The following VRK3 variants were observed in gnomAD, a reference collection of about 807,000 sequenced individuals.
The protein encoded by VRK3 is VRK serine/threonine kinase 3.
A neutral mutation model predicts 60.4 loss-of-function variants in VRK3; 50 were observed. The observed-to-expected ratio is 0.83, with a 90% CI of 0.66 to 1.05. VRK3 has a LOEUF of 1.05. Among genes scored for constraint, VRK3 ranks in the 50% least tolerant of loss-of-function variants. The pLI, the probability that VRK3 is intolerant of heterozygous loss-of-function variation, is 0.00. For synonymous variants in VRK3, 246 were observed against 227.8 expected (o/e 1.08, Z -0.72); for missense variants, 549 against 585.3 (o/e 0.94, Z 0.64).
chr19:50,002,169 C>CTCATCGTTCCCACTCTCCCT (rs1200906920), intron 5 of VRK3, among the ~76,000 whole-genome samples: 1 of 152,164 alleles, frequency 6.6e-6, no homozygotes, highest in Non-Finnish European at 1.5e-5. Flanking sequence ...TTCCTCTGTT[C>CTCATCGTTCCCACTCTCCCT]TCATCGTTCC....
intron 12 of VRK3, among the ~76,000 whole-genome samples, chr19:49,985,787 G>T (rs11083994): frequency 0.052 from 7,967 of 152,218 alleles, 685 homozygotes; most frequent in African/African-American, 0.18. Flanking sequence ...GTTGAGTGAA[G>T]GTAGGCTGGG....
chr19:49,988,332 G>C, intron 12 of VRK3, 40 bp downstream of exon 12: 1 of 1,567,306 alleles, frequency 6.4e-7, no homozygotes. Context: ...CAGGGGTTCT[G>C]CTGACCACCT....
chr19:50,002,698 G>A (rs929054673), intron 5 of VRK3, among the ~76,000 whole-genome samples: 5 of 152,206 alleles, frequency 3.3e-5, no homozygotes, highest in Admixed American at 2.0e-4. Flanking sequence ...TGTAGAGGGA[G>A]CCAAGGGAGG....
At chr19:49,988,593 ACACT>A in intron 11 of VRK3, 101 bp from the exon 12 acceptor site, 1 of 1,443,618 alleles carries the variant, frequency 6.9e-7, no homozygotes, top group Admixed American at 2.3e-5. Context: ...ACTCAACCAC[ACACT>A]CATACACCCA....
At position 49,987,510 on chromosome 19, in the gene VRK3, G is replaced by A. The variant is rs931827067; in HGVS notation, c.1217+862C>T. Among the ~76,000 whole-genome samples, 3 of 152,162 alleles carry A rather than the reference G, an allele frequency of 2.0e-5. No individual in the cohort carries two copies. In the East Asian group the frequency reaches 5.8e-4, roughly 29 times the overall value. On this transcript the variant is annotated intron_variant, in intron 12 of 14. Transcript: ENST00000316763. ...TCCTCATATGTTCCGCTGTCCACCG[G>A]CTTTGGTGCTGAATGTTTAAACCAG...
intron 12 of VRK3, among the ~76,000 whole-genome samples, chr19:49,983,207 G>A (rs1568772611): frequency 7.1e-6 from 1 of 140,278 alleles, no homozygotes; most frequent in Non-Finnish European, 1.5e-5. Flanking sequence ...TCCTCCCATT[G>A]CATGTCCCAG....
intron 3 of VRK3, 124 bp downstream of exon 3, chr19:50,015,900 G>T: frequency 1.5e-6 from 2 of 1,352,430 alleles, no homozygotes; most frequent in Non-Finnish European, 2.1e-6. Context: ...CAGTCCTGAG[G>T]CCTGGGCTTC....
chr19:49,981,558 A>C, intron 12 of VRK3: 1 of 516,254 alleles, frequency 1.9e-6, no homozygotes, highest in Non-Finnish European at 2.5e-6. Context: ...AACAAAACAA[A>C]ACAAAACAAT....
chr19:50,010,917 CA>C (rs1568808864), intron 3 of VRK3, among the ~76,000 whole-genome samples: 1 of 151,400 alleles, frequency 6.6e-6, no homozygotes, highest in East Asian at 1.9e-4. Context: ...TGTCTCAAAA[CA>C]AAAACAAAAA....
At chr19:50,014,839 A>G (rs1205516319) in intron 3 of VRK3, among the ~76,000 whole-genome samples, 1 of 152,148 alleles carries the variant, frequency 6.6e-6, no homozygotes, top group Non-Finnish European at 1.5e-5. Context: ...CTCTGACTGT[A>G]TTCACAGGAT....
chr19:49,994,688 G>A, intron 9 of VRK3, 126 bp downstream of exon 9: 2 of 849,204 alleles, frequency 2.4e-6, no homozygotes, highest in South Asian at 3.4e-5. Flanking sequence ...GGCAGTCAGT[G>A]AGCCAGCCCC....
At chr19:49,988,599 A>C in intron 11 of VRK3, 107 bp from the exon 12 acceptor site, 3 of 1,427,398 alleles carry the variant, frequency 2.1e-6, no homozygotes, top group Non-Finnish European at 2.8e-6. Context: ...CCACACACTC[A>C]TACACCCAGC....
rs61745859 is a variant in VRK3, at chr19:49,989,762, C to A, written c.973G>T (p.Ala325Ser). 1.6e-4 allele frequency: 258 copies of A among 1,611,596 alleles called. No homozygotes were observed. The African/African-American group carries it at 2.6e-3, about 16-fold the overall frequency. The stretch of plus-strand genomic sequence containing the variant: ...TAGCGGAAGGCGAAGCCATAGCCTG[C>A]CAAAGTCACCTGTGGACACAGGGAA... ...DPEDQSQVTL[A>S]GYGFAFRYCP... Residue 325 changes from alanine to serine, a missense_variant, in exon 11 of 15, where the codon GCA (alanine) becomes TCA (serine). By Grantham distance (99) the Ala-to-Ser change is moderately conservative. Transcript: ENST00000316763.
intron 7 of VRK3, 40 bp from the exon 8 acceptor site, chr19:49,995,315 C>T: frequency 1.9e-6 from 3 of 1,589,512 alleles, no homozygotes; most frequent in South Asian, 1.1e-5. Flanking sequence ...CCCACCCAGT[C>T]CCAAGCCCAT....
At chr19:50,021,381 C>G (rs1600730867) in intron 1 of VRK3, among the ~76,000 whole-genome samples, 1 of 152,190 alleles carries the variant, frequency 6.6e-6, no homozygotes, top group East Asian at 1.9e-4. Context: ...ACTTCCCAGG[C>G]TGGGTCATAA....
At chr19:50,019,887 T>C (rs974543240) in intron 2 of VRK3, among the ~76,000 whole-genome samples, 3 of 151,222 alleles carry the variant, frequency 2.0e-5, no homozygotes, top group African/African-American at 7.3e-5. Context: ...GTGATGGTTT[T>C]ATTTATTTTG....
intron 12 of VRK3, among the ~76,000 whole-genome samples, chr19:49,984,005 A>T (rs2076470126): frequency 6.6e-6 from 1 of 152,168 alleles, no homozygotes; most frequent in African/African-American, 2.4e-5. Context: ...TATCATTGAT[A>T]TGAGATGATT....
intron 5 of VRK3, 105 bp from the exon 6 acceptor site, chr19:50,000,959 C>G (rs2076794852): frequency 9.3e-7 from 1 of 1,079,636 alleles, no homozygotes; most frequent in African/African-American, 1.6e-5. Context: ...GCCCTGGTTC[C>G]AACAAGGTCA....
At chr19:50,021,071 A>G (rs2077163481) in intron 1 of VRK3, among the ~76,000 whole-genome samples, 1 of 152,254 alleles carries the variant, frequency 6.6e-6, no homozygotes, top group African/African-American at 2.4e-5. Context: ...AAAGGAAACC[A>G]GGGAGCGAGC....
Sources: gnomAD v4.1 joint callset for allele counts (sites outside exome capture counted in the v4.1 genomes callset) on GRCh38, gnomAD v4.1.1 for gene constraint, MANE v1.5 for transcripts, NCBI Gene and HGNC (gene_info 2026-07-23, HGNC 2026-07-21) for gene names.